NDUFAF6: variants seen among roughly 807,000 people sequenced by gnomAD.
NDUFAF6 encodes NADH:ubiquinone oxidoreductase complex assembly factor 6, also known as NADH dehydrogenase (ubiquinone) complex I, assembly factor 6.
Under a neutral mutation model 40.8 loss-of-function variants are expected in NDUFAF6, and 45 were observed. That is an observed-to-expected ratio of 1.10 (90% CI 0.87 to 1.42). The LOEUF (loss-of-function observed/expected upper bound fraction) is 1.42. Ranked by LOEUF, NDUFAF6 falls within the 40% of genes most tolerant of loss-of-function variation. The probability of loss-of-function intolerance (pLI) is 0.00; values close to 1 mark genes in which losing one functional copy is unlikely to be tolerated. For missense variants in NDUFAF6, 435 were observed against 418.5 expected (o/e 1.04, Z -0.34); for synonymous variants, 185 against 155.9 (o/e 1.19, Z -1.39).
chr8:95,051,933 T>C (rs538388477), intron 7 of NDUFAF6, among the ~76,000 whole-genome samples: 1 of 152,278 alleles, frequency 6.6e-6, no homozygotes, highest in Admixed American at 6.5e-5. Flanking sequence ...TATGAGATAT[T>C]GTAAGGTCGC....
chr8:95,035,333 G>T, intron 2 of NDUFAF6, 121 bp from the exon 3 acceptor site: 1 of 967,634 alleles, frequency 1.0e-6, no homozygotes. Context: ...ATGTAGTCAT[G>T]TATTTATCAC....
chr8:94,961,294 A>G (rs1448242208), intron 1 of NDUFAF6, among the ~76,000 whole-genome samples: 1 of 152,248 alleles, frequency 6.6e-6, no homozygotes, highest in Non-Finnish European at 1.5e-5. Context: ...TCATTCATTC[A>G]ATAAGAACTT....
At chr8:95,059,006 T>C (rs1283744961), downstream of NDUFAF6, among the ~76,000 whole-genome samples, 1 of 152,076 alleles carries the variant, frequency 6.6e-6, no homozygotes, top group Admixed American at 6.5e-5. Flanking sequence ...GTGTACTCCA[T>C]CCTGGGTAAC....
upstream of NDUFAF6, among the ~76,000 whole-genome samples, chr8:95,022,649 A>G (rs1248140941): frequency 6.6e-6 from 1 of 152,062 alleles, no homozygotes; most frequent in Non-Finnish European, 1.5e-5. Context: ...AGAAACCAGA[A>G]GGACTAGAAG....
At chr8:95,062,775 CA>C (rs1272987558), downstream of NDUFAF6, among the ~76,000 whole-genome samples, 1 of 152,166 alleles carries the variant, frequency 6.6e-6, no homozygotes, top group African/African-American at 2.4e-5. Context: ...GAGTGTAAGA[CA>C]ATGTTTTATT....
chr8:95,000,889 A>T (rs1826697913), intron 2 of NDUFAF6, among the ~76,000 whole-genome samples: 1 of 151,630 alleles, frequency 6.6e-6, no homozygotes, highest in African/African-American at 2.4e-5. Context: ...ATAAGCCAAG[A>T]TTGCACCATT....
upstream of NDUFAF6, among the ~76,000 whole-genome samples, chr8:94,955,094 G>A (rs1170879613): frequency 6.6e-6 from 1 of 152,160 alleles, no homozygotes; most frequent in East Asian, 1.9e-4. Flanking sequence ...TGTAAAAGAG[G>A]GACAATAATA....
chr8:94,976,650 G>A (rs1290560232), intron 1 of NDUFAF6, among the ~76,000 whole-genome samples: 1 of 147,962 alleles, frequency 6.8e-6, no homozygotes, highest in Non-Finnish European at 1.5e-5. Context: ...CTCCAACTTG[G>A]GCAACAGAGC....
chr8:95,051,018 G>A (rs1321870113), intron 7 of NDUFAF6, among the ~76,000 whole-genome samples: 1 of 152,060 alleles, frequency 6.6e-6, no homozygotes, highest in Non-Finnish European at 1.5e-5. Flanking sequence ...TGGACTAGCT[G>A]CTTGACATAA....
chr8:95,041,738 T>C, intron 4 of NDUFAF6, 112 bp downstream of exon 4: 1 of 897,182 alleles, frequency 1.1e-6, no homozygotes, highest in Non-Finnish European at 1.9e-6. Context: ...GGAAGGAAAC[T>C]TTTAGAGAAT....
At chr8:94,954,654 C>G (rs1401367465), upstream of NDUFAF6, among the ~76,000 whole-genome samples, 1 of 136,062 alleles carries the variant, frequency 7.3e-6, no homozygotes, top group Non-Finnish European at 1.6e-5. Context: ...AGAGCAAGTG[C>G]AAAGGCCTGA....
intron 2 of NDUFAF6, among the ~76,000 whole-genome samples, chr8:94,952,312 A>G (rs142013757): frequency 6.6e-6 from 1 of 152,192 alleles, no homozygotes; most frequent in Non-Finnish European, 1.5e-5. Context: ...GTTGTTTCCT[A>G]CCAACCCATA....
At chr8:95,048,605 T>C in intron 7 of NDUFAF6, 47 bp downstream of exon 7, 1 of 1,275,842 alleles carries the variant, frequency 7.8e-7, no homozygotes. Flanking sequence ...TAATCATTTC[T>C]AGATGTGGCT....
chr8:94,913,375 G>A (rs116020554), intron 1 of NDUFAF6, among the ~76,000 whole-genome samples: 255 of 152,258 alleles, frequency 1.7e-3, no homozygotes, highest in African/African-American at 5.9e-3. Context: ...ACTGATAAAT[G>A]TACATGGCTC....
In NDUFAF6 at chr8:95,086,263, C is replaced by T. The variant is rs147754853; in HGVS notation, n.213+10511C>T. ...ACCTTTAATCGGGCTGTGAGGATAGCGACAGGTAATGCCAACTGCAAAATA... is the reference window on the plus strand; with the variant it reads ...ACCTTTAATCGGGCTGTGAGGATAGTGACAGGTAATGCCAACTGCAAAATA... On this transcript the variant is annotated intron_variant and non_coding_transcript_variant, in intron 2 of 5. Coordinates refer to the NDUFAF6 transcript ENST00000523184. Among the ~76,000 whole-genome samples, 755 of 152,262 alleles carry T rather than the reference C, an allele frequency of 5.0e-3. 4 individuals are homozygous for T. The highest frequency in any genetic ancestry group is 0.01 in the Middle Eastern group (3 of 294).
chr8:95,044,350 G>GT (rs1830481702), intron 4 of NDUFAF6: 1 of 150,780 alleles, frequency 6.6e-6, no homozygotes, highest in Non-Finnish European at 1.5e-5. Flanking sequence ...CCACTGAATT[G>GT]TATTATTTGA....
At chr8:95,031,299 A>G (rs1382132413) in intron 1 of NDUFAF6, among the ~76,000 whole-genome samples, 1 of 152,206 alleles carries the variant, frequency 6.6e-6, no homozygotes, top group Admixed American at 6.5e-5. Flanking sequence ...ATGTGTGCAC[A>G]CAGTCCTACA....
chr8:94,995,877 A>C (rs942270581), intron 2 of NDUFAF6, among the ~76,000 whole-genome samples: 3 of 152,200 alleles, frequency 2.0e-5, no homozygotes, highest in Non-Finnish European at 4.4e-5. Flanking sequence ...TCCTGGGTTC[A>C]AGCAAATCTC....
At chr8:94,938,503 A>G (rs1821208184) in intron 1 of NDUFAF6, among the ~76,000 whole-genome samples, 2 of 152,362 alleles carry the variant, frequency 1.3e-5, no homozygotes, top group East Asian at 3.9e-4. Context: ...TCAGGATGGG[A>G]TGTGGTCACT....
Sources: gnomAD v4.1 joint callset for allele counts (sites outside exome capture counted in the v4.1 genomes callset) on GRCh38, gnomAD v4.1.1 for gene constraint, MANE v1.5 for transcripts, NCBI Gene and HGNC (gene_info 2026-07-23, HGNC 2026-07-21) for gene names.